The following SEMA3A variants were observed in gnomAD, a reference collection of about 807,000 sequenced individuals.
SEMA3A encodes the protein semaphorin 3A, also known as semaphorin-3A.
Under a neutral mutation model 97.9 loss-of-function variants are expected in SEMA3A, and 29 were observed. The ratio of observed to expected loss-of-function variants is 0.30; its 90% confidence interval spans 0.22 to 0.40. The LOEUF (loss-of-function observed/expected upper bound fraction) is 0.40. SEMA3A is among the 10% of genes least tolerant of loss of function. SEMA3A has a pLI of 1.00. For missense variants in SEMA3A, 763 were observed against 951.3 expected (o/e 0.80, Z 2.60); for synonymous variants, 321 against 323.7 (o/e 0.99, Z 0.09).
At chr7:84,339,225 T>C (rs1307139965) in intron 2 of SEMA3A, among the ~76,000 whole-genome samples, 1 of 152,062 alleles carries the variant, frequency 6.6e-6, no homozygotes, top group Non-Finnish European at 1.5e-5. Flanking sequence ...AGATGTATAA[T>C]CCTAACAAAA....
chr7:84,241,722 T>A (rs1262474469), intron 3 of SEMA3A, among the ~76,000 whole-genome samples: 3 of 152,172 alleles, frequency 2.0e-5, no homozygotes, highest in Non-Finnish European at 4.4e-5. Flanking sequence ...CCCTGAATGG[T>A]ATTGCCTAGG....
At chr7:84,466,901 T>C (rs1584345352) in intron 1 of SEMA3A, among the ~76,000 whole-genome samples, 1 of 152,198 alleles carries the variant, frequency 6.6e-6, no homozygotes, top group African/African-American at 2.4e-5. Flanking sequence ...TGGCAACTAC[T>C]CTTTTCAAAG....
intron 2 of SEMA3A, among the ~76,000 whole-genome samples, chr7:84,322,610 C>T (rs900464277): frequency 2.6e-5 from 4 of 152,096 alleles, no homozygotes; most frequent in Non-Finnish European, 5.9e-5. Context: ...TGTCCCTTTG[C>T]TCTTCCTTCA....
intron 3 of SEMA3A, among the ~76,000 whole-genome samples, chr7:84,291,878 G>T (rs890330494): frequency 6.6e-6 from 1 of 152,074 alleles, no homozygotes; most frequent in East Asian, 1.9e-4. Flanking sequence ...TGGTGCAAGT[G>T]CTAAAGAAAT....
chr7:84,316,592 AAG>A (rs1196536303), intron 2 of SEMA3A, among the ~76,000 whole-genome samples: 1 of 152,150 alleles, frequency 6.6e-6, no homozygotes, highest in Non-Finnish European at 1.5e-5. Context: ...TGGAAGCATT[AAG>A]AGAGTAGATA....
At chr7:84,005,237 A>C (rs994080421) in intron 11 of SEMA3A, 102 bp downstream of exon 11, 3 of 818,714 alleles carry the variant, frequency 3.7e-6, no homozygotes, top group Admixed American at 1.9e-5. Context: ...TTTCAACTGC[A>C]CAGAGGGTTG....
intron 1 of SEMA3A, among the ~76,000 whole-genome samples, chr7:84,383,744 G>A (rs773315156): frequency 1.3e-5 from 2 of 152,164 alleles, no homozygotes; most frequent in African/African-American, 2.4e-5. Context: ...TATTCAATGC[G>A]TTTGTAGAAG....
chr7:83,974,655 AAATAATCACTGAT>A (rs368215130), intron 15 of SEMA3A, among the ~76,000 whole-genome samples: 317 of 152,246 alleles, frequency 2.1e-3, no homozygotes, highest in African/African-American at 7.2e-3. Flanking sequence ...AACTATTCCA[AAATAATCACTGAT>A]TCCTAATGGT....
chr7:84,179,040 A>G (rs530848561), intron 1 of SEMA3A, among the ~76,000 whole-genome samples: 1 of 152,118 alleles, frequency 6.6e-6, no homozygotes, highest in African/African-American at 2.4e-5. Context: ...ACCCACTGTG[A>G]TATCAAATTT....
rs551124484 is a variant in SEMA3A, at chr7:84,062,662, G to T, written c.454-2104C>A. On this transcript the variant is annotated intron_variant, in intron 4 of 16. Transcript: ENST00000265362. ...TGAGTCAAAGAAAGGGGTGACAGAC[G>T]GCACCTGGAAAATCCGGTCACTCCC... 8.5e-5 allele frequency among the ~76,000 whole-genome samples: 13 copies of T among 152,290 alleles called. 1 individual carries two copies. The South Asian group carries it at 2.7e-3, about 32-fold the overall frequency.
intron 1 of SEMA3A, among the ~76,000 whole-genome samples, chr7:84,167,578 A>G (rs1797252436): frequency 2.0e-5 from 3 of 152,332 alleles, no homozygotes; most frequent in African/African-American, 7.2e-5. Flanking sequence ...GTAAGAACTC[A>G]TGACAATAAA....
chr7:84,287,495 C>T (rs1369069865), intron 3 of SEMA3A, among the ~76,000 whole-genome samples: 1 of 152,086 alleles, frequency 6.6e-6, no homozygotes, highest in African/African-American at 2.4e-5. Context: ...AAACTGTATA[C>T]CTCAGTCACC....
chr7:84,224,314 GT>G (rs1437780841), intron 3 of SEMA3A, among the ~76,000 whole-genome samples: 4 of 151,894 alleles, frequency 2.6e-5, no homozygotes, highest in Non-Finnish European at 4.4e-5. Flanking sequence ...TACAATTAAA[GT>G]TTTTTACTTT....
intron 3 of SEMA3A, among the ~76,000 whole-genome samples, chr7:84,125,176 T>C (rs1175751132): frequency 1.3e-5 from 2 of 152,154 alleles, no homozygotes; most frequent in African/African-American, 4.8e-5. Context: ...AATGTTACAA[T>C]TAATTAATTA....
chr7:84,386,338 T>C (rs1018739135), intron 1 of SEMA3A, among the ~76,000 whole-genome samples: 2 of 152,152 alleles, frequency 1.3e-5, no homozygotes, highest in African/African-American at 2.4e-5. Context: ...TAATCCATAA[T>C]CCATGCTGTT....
chr7:84,437,182 T>C (rs534603726), intron 1 of SEMA3A, among the ~76,000 whole-genome samples: 1 of 152,162 alleles, frequency 6.6e-6, no homozygotes, highest in South Asian at 2.1e-4. Flanking sequence ...TGATCTATGG[T>C]AATTCAAAGG....
chr7:84,312,962 CAT>C (rs1424254421), intron 2 of SEMA3A, among the ~76,000 whole-genome samples: 1 of 114,494 alleles, frequency 8.7e-6, no homozygotes, highest in Non-Finnish European at 1.7e-5. Context: ...ATATATGTTA[CAT>C]ATTGTATATA....
At chr7:84,004,480 CATTT>C (rs1346039688) in intron 11 of SEMA3A, among the ~76,000 whole-genome samples, 2 of 151,658 alleles carry the variant, frequency 1.3e-5, no homozygotes, top group African/African-American at 4.8e-5. Context: ...TTATTGCTAA[CATTT>C]ATTTACTAGA....
chr7:84,438,552 A>C (rs934393306), intron 1 of SEMA3A, among the ~76,000 whole-genome samples: 9 of 152,130 alleles, frequency 5.9e-5, no homozygotes, highest in African/African-American at 2.2e-4. Flanking sequence ...GTTAACGTGA[A>C]GCATGAGCTA....
Sources: gnomAD v4.1 joint callset for allele counts (sites outside exome capture counted in the v4.1 genomes callset) on GRCh38, gnomAD v4.1.1 for gene constraint, MANE v1.5 for transcripts, NCBI Gene and HGNC (gene_info 2026-07-23, HGNC 2026-07-21) for gene names.